Variants in PDE3A observed in about 807,000 individuals in gnomAD.
PDE3A encodes the protein phosphodiesterase 3A.
PDE3A carries 43 observed loss-of-function variants against 98.3 expected under a neutral mutation model. The ratio of observed to expected loss-of-function variants is 0.44; its 90% CI spans 0.34 to 0.56. The LOEUF is 0.56. Among genes scored for constraint, PDE3A ranks in the 20% least tolerant of loss-of-function variants. PDE3A has a pLI of 0.01. For missense variants in PDE3A, 1,427 were observed against 1,440.7 expected (o/e 0.99, Z 0.15); for synonymous variants, 663 against 567.9 (o/e 1.17, Z -2.38).
intron 1 of PDE3A, among the ~76,000 whole-genome samples, chr12:20,524,588 G>A (rs1456547046): frequency 1.3e-5 from 2 of 151,814 alleles, no homozygotes; most frequent in Non-Finnish European, 2.9e-5. Flanking sequence ...ACAAATTAAA[G>A]AGCACATATA....
At chr12:20,517,589 A>G (rs990662934) in intron 1 of PDE3A, among the ~76,000 whole-genome samples, 2 of 152,176 alleles carry the variant, frequency 1.3e-5, no homozygotes, top group Non-Finnish European at 2.9e-5. Flanking sequence ...ATTTAGTTCT[A>G]CTGGATGATT....
chr12:20,492,929 A>C (rs763687860), intron 1 of PDE3A, among the ~76,000 whole-genome samples: 3 of 152,158 alleles, frequency 2.0e-5, no homozygotes, highest in Non-Finnish European at 4.4e-5. Flanking sequence ...ACAAGCAAAA[A>C]GCAAAAACAC....
At chr12:20,642,145 G>C (rs1241380833) in intron 10 of PDE3A, among the ~76,000 whole-genome samples, 11 of 152,038 alleles carry the variant, frequency 7.2e-5, no homozygotes, top group Non-Finnish European at 1.5e-4. Flanking sequence ...AAGTTAAAAT[G>C]GGGTTGGTTT....
rs114059562 is a variant in PDE3A, at chr12:20,621,749, T to G, written c.1540+338T>G. Among the ~76,000 whole-genome samples the G allele has an allele frequency of 9.4e-4, 143 of 152,240 alleles. 1 individual carries two copies. The highest frequency in any genetic ancestry group is 3.2e-3 in the African/African-American group (133 of 41,568). The stretch of plus-strand genomic sequence containing the variant: ...CCAATTTTTTAGTGTCTGTTAAAAT[T>G]ATTTTTCAGGAGTATGATATATATG... On this transcript the variant is annotated intron_variant, in intron 5 of 15. Transcript: ENST00000359062.
chr12:20,383,665 T>G (rs1943698743), intron 1 of PDE3A, among the ~76,000 whole-genome samples: 1 of 151,990 alleles, frequency 6.6e-6, no homozygotes, highest in Non-Finnish European at 1.5e-5. Flanking sequence ...CCTATTGGTT[T>G]CAGTTTATAA....
chr12:20,533,593 T>C (rs1941670274), intron 1 of PDE3A, among the ~76,000 whole-genome samples: 1 of 151,406 alleles, frequency 6.6e-6, no homozygotes, highest in Non-Finnish European at 1.5e-5. Flanking sequence ...GCCATTCTCC[T>C]GCCTCAGCCT....
At chr12:20,489,751 T>A (rs1040231970) in intron 1 of PDE3A, among the ~76,000 whole-genome samples, 10 of 152,194 alleles carry the variant, frequency 6.6e-5, no homozygotes, top group African/African-American at 2.4e-4. Context: ...CTGATTTAGA[T>A]GTTGATGACA....
At chr12:20,591,264 G>T (rs546209324) in intron 2 of PDE3A, among the ~76,000 whole-genome samples, 5 of 152,190 alleles carry the variant, frequency 3.3e-5, no homozygotes, top group East Asian at 1.9e-4. Context: ...TTCATATGTT[G>T]GGCAGTGCTA....
At chr12:20,501,014 C>T (rs148874656) in intron 1 of PDE3A, among the ~76,000 whole-genome samples, 64 of 152,206 alleles carry the variant, frequency 4.2e-4, no homozygotes, top group South Asian at 2.9e-3. Flanking sequence ...GCAATCTGCC[C>T]ACCTCGGTCT....
intron 1 of PDE3A, among the ~76,000 whole-genome samples, chr12:20,505,494 G>T (rs1241978225): frequency 1.2e-4 from 18 of 152,018 alleles, no homozygotes; most frequent in African/African-American, 4.3e-4. Flanking sequence ...GGGCTCTTTT[G>T]TACTGAAGTG....
chr12:20,618,967 A>G (rs1230935808), intron 4 of PDE3A, among the ~76,000 whole-genome samples: 1 of 152,054 alleles, frequency 6.6e-6, no homozygotes, highest in Non-Finnish European at 1.5e-5. Context: ...GCACATAGAT[A>G]ATTTTCCTCT....
intron 5 of PDE3A, 62 bp downstream of exon 5, chr12:20,621,473 C>A: frequency 1.1e-6 from 1 of 870,074 alleles, no homozygotes; most frequent in Non-Finnish European, 1.9e-6. Flanking sequence ...GTAAACCAGA[C>A]CTTAAGCGTT....
intron 15 of PDE3A, among the ~76,000 whole-genome samples, chr12:20,669,151 A>C: frequency 6.6e-6 from 1 of 152,090 alleles, no homozygotes; most frequent in Non-Finnish European, 1.5e-5. Flanking sequence ...TGTAGAGAAA[A>C]AAGAATAAAA....
chr12:20,661,304 C>T (rs1945164976), intron 15 of PDE3A, among the ~76,000 whole-genome samples: 1 of 152,072 alleles, frequency 6.6e-6, no homozygotes, highest in African/African-American at 2.4e-5. Context: ...ATAAGGGAAG[C>T]AGAACATAAA....
chr12:20,481,764 AT>A (rs10657239), intron 1 of PDE3A, among the ~76,000 whole-genome samples: 39 of 79,584 alleles, frequency 4.9e-4, no homozygotes, highest in African/African-American at 1.8e-3. Context: ...TGGGAAATAG[AT>A]TTTTTTTTTT....
At chr12:20,661,008 T>G (rs1361765626) in intron 15 of PDE3A, among the ~76,000 whole-genome samples, 1 of 152,198 alleles carries the variant, frequency 6.6e-6, no homozygotes, top group Non-Finnish European at 1.5e-5. Context: ...GTTTGGAATT[T>G]TCTAGAGACT....
At chr12:20,566,308 C>T (rs1035220630) in intron 2 of PDE3A, among the ~76,000 whole-genome samples, 5 of 151,898 alleles carry the variant, frequency 3.3e-5, no homozygotes, top group Non-Finnish European at 5.9e-5. Context: ...TGGAAATCTG[C>T]AGGTTATCAA....
intron 10 of PDE3A, among the ~76,000 whole-genome samples, chr12:20,641,608 T>C (rs1462711151): frequency 6.6e-6 from 1 of 152,162 alleles, no homozygotes; most frequent in Non-Finnish European, 1.5e-5. Flanking sequence ...TGAGTTCAAA[T>C]TGATACTAAA....
intron 2 of PDE3A, among the ~76,000 whole-genome samples, chr12:20,599,673 A>C (rs1205732269): frequency 6.6e-6 from 1 of 152,074 alleles, no homozygotes; most frequent in Non-Finnish European, 1.5e-5. Flanking sequence ...ATTTTTATCT[A>C]TTTATCATTC....
Sources: gnomAD v4.1 joint callset for allele counts (sites outside exome capture counted in the v4.1 genomes callset) on GRCh38, gnomAD v4.1.1 for gene constraint, MANE v1.5 for transcripts, NCBI Gene and HGNC (gene_info 2026-07-23, HGNC 2026-07-21) for gene names.